CACNA2D3: variants seen among roughly 807,000 people sequenced by gnomAD.
CACNA2D3 encodes the protein voltage-dependent calcium channel subunit alpha-2/delta-3.
In CACNA2D3, 60 loss-of-function variants were observed where a neutral mutation model predicts 160.6. The ratio of observed to expected loss-of-function variants is 0.37; its 90% CI spans 0.30 to 0.46. CACNA2D3 has a LOEUF of 0.46. CACNA2D3 is among the 20% of genes least tolerant of loss of function. The pLI is 1.00. For missense variants in CACNA2D3, 1,205 were observed against 1,365.0 expected, an observed-to-expected ratio of 0.88 and a Z score of 1.85; for synonymous variants, 558 against 492.9, an observed-to-expected ratio of 1.13 and a Z score of -1.75.
chr3:54,500,504 T>C (rs760228643), intron 4 of CACNA2D3, among the ~76,000 whole-genome samples: 1 of 102,124 alleles, frequency 9.8e-6, no homozygotes, highest in South Asian at 3.5e-4. Context: ...TTCCTTCCTA[T>C]CTTCCTTCCT....
rs554782542 is a variant in CACNA2D3, at chr3:54,456,727, C to T, written c.382-46765C>T. On this transcript the variant is annotated intron_variant, in intron 4 of 37. Transcript: ENST00000474759. ...AAGTTGAGCAGTGAAACCACTCGGT[C>T]CCGGGCTTTTCTTTATTGGGAGGTT... Among the ~76,000 whole-genome samples the T allele has an allele frequency of 3.3e-5, 5 of 152,024 alleles. No homozygotes were observed. The South Asian group carries it at 1.0e-3, about 32-fold the overall frequency.
intron 9 of CACNA2D3, among the ~76,000 whole-genome samples, chr3:54,593,922 A>G (rs1239162456): frequency 2.0e-5 from 3 of 152,332 alleles, no homozygotes; most frequent in African/African-American, 7.2e-5. Context: ...GACTGTTTCT[A>G]TGCGAGATGT....
At chr3:54,461,775 C>T (rs1382974557) in intron 4 of CACNA2D3, among the ~76,000 whole-genome samples, 1 of 151,860 alleles carries the variant, frequency 6.6e-6, no homozygotes, top group Non-Finnish European at 1.5e-5. Context: ...TCTCTGTTTC[C>T]TTCAGTTCTG....
At chr3:54,939,207 T>C (rs1701399207) in intron 27 of CACNA2D3, among the ~76,000 whole-genome samples, 2 of 152,162 alleles carry the variant, frequency 1.3e-5, no homozygotes, top group Non-Finnish European at 2.9e-5. Context: ...ACAGGGTGCT[T>C]TACCTGGAAA....
chr3:54,492,078 C>T (rs1267070669), intron 4 of CACNA2D3, among the ~76,000 whole-genome samples: 1 of 152,136 alleles, frequency 6.6e-6, no homozygotes, highest in Non-Finnish European at 1.5e-5. Flanking sequence ...CCTAGATAAA[C>T]TGGTGATTAG....
At chr3:54,409,169 T>C (rs373173441) in intron 4 of CACNA2D3, among the ~76,000 whole-genome samples, 1 of 152,298 alleles carries the variant, frequency 6.6e-6, no homozygotes, top group East Asian at 1.9e-4. Context: ...CTGGTGCCGT[T>C]TTTTCCAACA....
At chr3:54,824,507 A>G (rs540877665) in intron 14 of CACNA2D3, among the ~76,000 whole-genome samples, 2 of 152,326 alleles carry the variant, frequency 1.3e-5, no homozygotes, top group African/African-American at 2.4e-5. Context: ...TATTGCATTC[A>G]TCATTGCAGA....
At chr3:54,361,379 T>G (rs752264673) in intron 3 of CACNA2D3, among the ~76,000 whole-genome samples, 4 of 152,170 alleles carry the variant, frequency 2.6e-5, no homozygotes, top group Non-Finnish European at 5.9e-5. Flanking sequence ...GTCTGGTTTT[T>G]GATTCTCATT....
chr3:54,665,945 G>A (rs1480403225), intron 11 of CACNA2D3, among the ~76,000 whole-genome samples: 2 of 152,160 alleles, frequency 1.3e-5, no homozygotes, highest in South Asian at 2.1e-4. Flanking sequence ...GAGACTACAG[G>A]GATGTGCCAC....
chr3:54,820,345 T>G (rs1338094471), intron 14 of CACNA2D3, among the ~76,000 whole-genome samples: 1 of 152,218 alleles, frequency 6.6e-6, no homozygotes, highest in Non-Finnish European at 1.5e-5. Context: ...ATGACTGTTG[T>G]CTGTAAGTTA....
At chr3:54,169,218 G>A (rs1207955159) in intron 2 of CACNA2D3, among the ~76,000 whole-genome samples, 4 of 152,200 alleles carry the variant, frequency 2.6e-5, no homozygotes, top group Non-Finnish European at 5.9e-5. Context: ...TATCAAGGCT[G>A]AAATAGATCA....
intron 2 of CACNA2D3, among the ~76,000 whole-genome samples, chr3:54,199,134 A>G (rs2107347043): frequency 6.6e-6 from 1 of 152,276 alleles, no homozygotes; most frequent in Admixed American, 6.5e-5. Flanking sequence ...TCTTTCAACA[A>G]TTTTTATTTT....
chr3:54,628,227 A>G (rs1223426578), intron 10 of CACNA2D3, among the ~76,000 whole-genome samples: 1 of 152,076 alleles, frequency 6.6e-6, no homozygotes, highest in Non-Finnish European at 1.5e-5. Flanking sequence ...CTCCGTCTCA[A>G]AAAAAAATAG....
At chr3:54,156,660 C>T (rs1700250519) in intron 2 of CACNA2D3, among the ~76,000 whole-genome samples, 1 of 152,202 alleles carries the variant, frequency 6.6e-6, no homozygotes, top group South Asian at 2.1e-4. Context: ...TTGTCTTTGC[C>T]TTGGTGGAGC....
chr3:54,759,168 G>A (rs1420502342), intron 12 of CACNA2D3, among the ~76,000 whole-genome samples: 34 of 152,164 alleles, frequency 2.2e-4, no homozygotes, highest in Admixed American at 2.2e-3. Context: ...AGAGAAAAAC[G>A]AGCAGACCAT....
At chr3:54,834,413 T>C (rs1169308743) in intron 14 of CACNA2D3, among the ~76,000 whole-genome samples, 1 of 152,194 alleles carries the variant, frequency 6.6e-6, no homozygotes, top group Non-Finnish European at 1.5e-5. Flanking sequence ...CTATTTACCA[T>C]GGGCTGGTTC....
intron 12 of CACNA2D3, among the ~76,000 whole-genome samples, chr3:54,763,991 T>C (rs1471706292): frequency 4.0e-5 from 6 of 150,730 alleles, no homozygotes; most frequent in African/African-American, 1.5e-4. Flanking sequence ...GATTTTAATT[T>C]TATTACATTT....
intron 5 of CACNA2D3, among the ~76,000 whole-genome samples, chr3:54,515,161 C>T (rs1043458631): frequency 6.0e-5 from 8 of 133,368 alleles, no homozygotes; most frequent in African/African-American, 1.9e-4. Context: ...TAGTAAAATC[C>T]GTGTGTGTGT....
At chr3:55,032,576 G>A (rs565400101) in intron 35 of CACNA2D3, among the ~76,000 whole-genome samples, 2 of 152,232 alleles carry the variant, frequency 1.3e-5, no homozygotes, top group East Asian at 1.9e-4. Context: ...TGGCTTTGGC[G>A]TCATGAAGAC....
Sources: gnomAD v4.1 joint callset for allele counts (sites outside exome capture counted in the v4.1 genomes callset) on GRCh38, gnomAD v4.1.1 for gene constraint, MANE v1.5 for transcripts, NCBI Gene and HGNC (gene_info 2026-07-23, HGNC 2026-07-21) for gene names.